Variants in TNRC6A observed in about 807,000 individuals in gnomAD.
TNRC6A encodes the protein trinucleotide repeat-containing gene 6A protein.
A neutral mutation model predicts 221.2 loss-of-function variants in TNRC6A; 44 were observed. The observed-to-expected ratio is 0.20, with a 90% CI of 0.16 to 0.26. The LOEUF is 0.26. TNRC6A is among the 10% of genes least tolerant of loss of function. The pLI, the probability that TNRC6A is intolerant of heterozygous loss-of-function variation, is 1.00. For missense variants in TNRC6A, 2,199 were observed against 2,404.4 expected (o/e 0.91, Z 1.79); for synonymous variants, 847 against 838.5 (o/e 1.01, Z -0.18).
At chr16:24,774,357 G>T (rs548619270) in intron 4 of TNRC6A, among the ~76,000 whole-genome samples, 2 of 152,238 alleles carry the variant, frequency 1.3e-5, no homozygotes, top group Admixed American at 6.5e-5. Context: ...TGGTTTTAAT[G>T]AAGCTTTCTG....
chr16:24,610,251 G>C (rs997307897), exon 1 of TNRC6A: 1 of 152,310 alleles, frequency 6.6e-6, no homozygotes, highest in Non-Finnish European at 1.5e-5. Context: ...GTGACTCCCA[G>C]GGCTACGTGG....
intron 22 of TNRC6A, 71 bp downstream of exon 22, chr16:24,820,431 T>G: frequency 7.1e-7 from 1 of 1,400,356 alleles, no homozygotes; most frequent in Non-Finnish European, 1.0e-6. Flanking sequence ...ACAGTCGAGT[T>G]TAACAGAGAC....
intron 2 of TNRC6A, among the ~76,000 whole-genome samples, chr16:24,687,505 A>G (rs1387935880): frequency 1.3e-5 from 2 of 152,224 alleles, no homozygotes; most frequent in Non-Finnish European, 2.9e-5. Flanking sequence ...TAAGCCATGC[A>G]TGGCCAGGTG....
intron 2 of TNRC6A, among the ~76,000 whole-genome samples, chr16:24,750,064 C>T (rs774910434): frequency 6.6e-6 from 1 of 152,082 alleles, no homozygotes; most frequent in Admixed American, 6.6e-5. Context: ...CACTTGAACT[C>T]GGGAGGTGGA....
At chr16:24,719,170 G>A (rs1238165986) in intron 2 of TNRC6A, among the ~76,000 whole-genome samples, 1 of 152,138 alleles carries the variant, frequency 6.6e-6, no homozygotes, top group Non-Finnish European at 1.5e-5. Context: ...ATGTACTGAT[G>A]ACTAGGCAGA....
chr16:24,666,298 C>T (rs1256737261), intron 2 of TNRC6A, among the ~76,000 whole-genome samples: 1 of 151,748 alleles, frequency 6.6e-6, no homozygotes, highest in Non-Finnish European at 1.5e-5. Flanking sequence ...GAAACCCCAT[C>T]TCTACTAAAA....
intron 2 of TNRC6A, among the ~76,000 whole-genome samples, chr16:24,747,165 T>G (rs1420009522): frequency 6.6e-6 from 1 of 152,196 alleles, no homozygotes; most frequent in Non-Finnish European, 1.5e-5. Flanking sequence ...AAAATACAAT[T>G]TACATACAGT....
At chr16:24,622,726 A>G (rs915068988) in intron 1 of TNRC6A, among the ~76,000 whole-genome samples, 2 of 152,226 alleles carry the variant, frequency 1.3e-5, no homozygotes, top group Non-Finnish European at 2.9e-5. Context: ...GAGAGAAAGC[A>G]AAACTAGCCA....
intron 18 of TNRC6A, among the ~76,000 whole-genome samples, chr16:24,813,407 C>G (rs1444825403): frequency 1.3e-5 from 2 of 152,190 alleles, no homozygotes; most frequent in Non-Finnish European, 2.9e-5. Flanking sequence ...TTGGTTAGCT[C>G]CTACTTAAAA....
intron 19 of TNRC6A, 194 bp downstream of exon 19, chr16:24,815,499 A>G: frequency 3.2e-6 from 2 of 617,692 alleles, no homozygotes; most frequent in Non-Finnish European, 5.8e-6. Context: ...CCTGTTACCT[A>G]TGCCTTTATG....
At chr16:24,795,784 T>C (rs1166471926) in intron 8 of TNRC6A, 123 bp from the exon 9 acceptor site, 1 of 821,780 alleles carries the variant, frequency 1.2e-6, no homozygotes, top group Non-Finnish European at 1.9e-6. Context: ...AGGTGGTGAC[T>C]TGCCCAAAGT....
intron 5 of TNRC6A, among the ~76,000 whole-genome samples, chr16:24,784,486 G>T (rs748749459): frequency 1.6e-4 from 25 of 152,046 alleles, no homozygotes; most frequent in Non-Finnish European, 3.5e-4. Context: ...ACTACACCCA[G>T]CTGATTTTTT....
At chr16:24,729,420 C>T (rs2056554404), upstream of TNRC6A, among the ~76,000 whole-genome samples, 1 of 150,804 alleles carries the variant, frequency 6.6e-6, no homozygotes, top group African/African-American at 2.4e-5. Flanking sequence ...TCGGTCAGAC[C>T]GGAGCCGGCC....
chr16:24,778,383 C>G (rs1038334229), intron 5 of TNRC6A: 1 of 984,212 alleles, frequency 1.0e-6, no homozygotes, highest in Non-Finnish European at 1.2e-6. Context: ...CAAGATCTGT[C>G]TGACTCCAAA....
intron 2 of TNRC6A, among the ~76,000 whole-genome samples, chr16:24,745,799 C>A (rs983720501): frequency 2.9e-5 from 4 of 140,188 alleles, no homozygotes; most frequent in Non-Finnish European, 6.3e-5. Context: ...GTACCATCCC[C>A]CCCCCCCCCA....
chr16:24,813,197 G>A (rs1231928054), intron 18 of TNRC6A, among the ~76,000 whole-genome samples: 3 of 152,096 alleles, frequency 2.0e-5, no homozygotes, highest in East Asian at 1.9e-4. Flanking sequence ...TTAGATTCAG[G>A]GGGTACAAGT....
chr16:24,611,467 A>C (rs1402955333), intron 1 of TNRC6A, among the ~76,000 whole-genome samples: 2 of 152,144 alleles, frequency 1.3e-5, no homozygotes, highest in African/African-American at 4.8e-5. Context: ...ATCAAGTGAT[A>C]GGAGGCACAG....
At chr16:24,812,877 C>CTT (rs71383720) in intron 18 of TNRC6A, among the ~76,000 whole-genome samples, 1,080 of 74,886 alleles carry the variant, frequency 0.014, 22 homozygotes, top group East Asian at 0.033. Flanking sequence ...ACCTCTTGGG[C>CTT]TTTTTTTTTT....
At chr16:24,738,694 G>A (rs1229022752) in intron 2 of TNRC6A, among the ~76,000 whole-genome samples, 1 of 152,144 alleles carries the variant, frequency 6.6e-6, no homozygotes, top group Non-Finnish European at 1.5e-5. Context: ...ATCAGTTAAT[G>A]GGCATTTGGG....
Sources: gnomAD v4.1 joint callset for allele counts (sites outside exome capture counted in the v4.1 genomes callset) on GRCh38, gnomAD v4.1.1 for gene constraint, MANE v1.5 for transcripts, NCBI Gene and HGNC (gene_info 2026-07-23, HGNC 2026-07-21) for gene names.